GRIN3A: variants seen among roughly 807,000 people sequenced by gnomAD.
The protein encoded by GRIN3A is glutamate ionotropic receptor NMDA type subunit 3A.
A neutral mutation model predicts 92.4 loss-of-function variants in GRIN3A; 47 were observed. The ratio of observed to expected loss-of-function variants is 0.51; its 90% CI spans 0.40 to 0.65. The LOEUF (loss-of-function observed/expected upper bound fraction) is 0.65. Ranked by LOEUF, GRIN3A falls within the 30% of genes least tolerant of loss-of-function variation. The pLI is 0.00. For missense variants in GRIN3A, 1,324 were observed against 1,393.1 expected (o/e 0.95, Z 0.79); for synonymous variants, 527 against 540.6 (o/e 0.97, Z 0.35).
intron 2 of GRIN3A, among the ~76,000 whole-genome samples, chr9:101,674,122 A>G (rs549757707): frequency 1.3e-5 from 2 of 152,136 alleles, no homozygotes; most frequent in South Asian, 4.2e-4. Flanking sequence ...CTGTTTGACG[A>G]TAAGAGATGA....
In GRIN3A at chr9:101,594,330, A is replaced by G. The variant is rs1036114120; in HGVS notation, c.2767-14970T>C. On this transcript the variant is annotated intron_variant, in intron 6 of 8. Coordinates refer to ENST00000361820, the MANE Select transcript of GRIN3A (RefSeq NM_133445.3). ...ATACTTCCAGATAAGTCAGAGAGACAGTTGGACGTCTTGAGCAAATCTTGA... is the reference window on the plus strand; with the variant it reads ...ATACTTCCAGATAAGTCAGAGAGACGGTTGGACGTCTTGAGCAAATCTTGA... The G allele has an allele frequency of 3.4e-6, 5 of 1,489,096 alleles. No homozygotes were observed. The African/African-American group carries it at 5.6e-5, about 17-fold the overall frequency. The allele number at this position is 1,489,096 out of a possible 1,614,324, so 92.2% of individuals were successfully genotyped here. A position where few individuals can be genotyped will look rare whatever the true frequency, so the allele number is the denominator to read the frequency against.
At chr9:101,594,250 T>A in intron 6 of GRIN3A, 1 of 883,956 alleles carries the variant, frequency 1.1e-6, no homozygotes, top group Non-Finnish European at 1.7e-6. Context: ...GGAGAATTAA[T>A]AGCACTGAGT....
intron 5 of GRIN3A, among the ~76,000 whole-genome samples, chr9:101,619,852 C>T (rs559883548): frequency 3.4e-4 from 52 of 152,324 alleles, no homozygotes; most frequent in African/African-American, 1.1e-3. Flanking sequence ...TTTATCTCAA[C>T]ACTTTTTTTT....
chr9:101,650,460 T>C (rs1453923374), intron 3 of GRIN3A, among the ~76,000 whole-genome samples: 1 of 151,962 alleles, frequency 6.6e-6, no homozygotes, highest in African/African-American at 2.4e-5. Context: ...AATGAGTGTG[T>C]TGGAGGATAA....
intron 1 of GRIN3A, among the ~76,000 whole-genome samples, chr9:101,687,674 A>G (rs1829557617): frequency 6.6e-6 from 1 of 152,236 alleles, no homozygotes; most frequent in South Asian, 2.1e-4. Flanking sequence ...GATGATGTGA[A>G]AGATGGATGC....
intron 6 of GRIN3A, among the ~76,000 whole-genome samples, chr9:101,610,831 G>A (rs906119575): frequency 3.3e-5 from 5 of 152,134 alleles, no homozygotes; most frequent in African/African-American, 1.2e-4. Flanking sequence ...AGGCGCGGTG[G>A]CTCATGCCTG....
chr9:101,604,639 G>A (rs909818079), intron 6 of GRIN3A, among the ~76,000 whole-genome samples: 2 of 152,278 alleles, frequency 1.3e-5, no homozygotes, highest in South Asian at 4.1e-4. Context: ...ATTTTAAATG[G>A]AAAAGAGAAG....
chr9:101,667,002 G>A (rs1022211928), intron 3 of GRIN3A, among the ~76,000 whole-genome samples: 1 of 151,940 alleles, frequency 6.6e-6, no homozygotes, highest in Non-Finnish European at 1.5e-5. Context: ...AATGGCCATG[G>A]ATCTATATTG....
intron 5 of GRIN3A, 83 bp downstream of exon 5, chr9:101,623,235 C>G: frequency 1.1e-6 from 1 of 881,482 alleles, no homozygotes; most frequent in East Asian, 2.4e-5. Context: ...CTCTTTGCTT[C>G]TGACTTTGGC....
At chr9:101,590,705 C>T (rs1225603971) in intron 6 of GRIN3A, among the ~76,000 whole-genome samples, 1 of 152,080 alleles carries the variant, frequency 6.6e-6, no homozygotes, top group Non-Finnish European at 1.5e-5. Context: ...AACATCCGAG[C>T]CTCCTCCTGT....
At position 101,613,398 on chromosome 9, in the gene GRIN3A, T is replaced by C. The variant is rs1211332721; in HGVS notation, c.2744A>G (p.Lys915Arg). The C allele has an allele frequency of 3.7e-6, 6 of 1,614,162 alleles. No homozygotes were observed. Among genetic ancestry groups the C allele is most frequent in the Non-Finnish European group, 5.1e-6 (6 of 1,179,998 alleles). ...TACCTCCGTGACAGCAAAACTTCTCTTGCCACAGGGAACCACCCTGTACCA... is the reference window on the plus strand; with the variant it reads ...TACCTCCGTGACAGCAAAACTTCTCCTGCCACAGGGAACCACCCTGTACCA... ...DKWYRVVPCG[K>R]RSFAVTETLQ... Residue 915 changes from lysine (K) to arginine (R), a missense_variant, in exon 6 of 9, where the codon AAG becomes AGG. Physicochemically the swap from Lys to Arg is conservative, Grantham distance 26. Transcript: ENST00000361820.
At chr9:101,576,607 T>C (rs1454910397) in intron 8 of GRIN3A, among the ~76,000 whole-genome samples, 1 of 152,354 alleles carries the variant, frequency 6.6e-6, no homozygotes, top group East Asian at 1.9e-4. Flanking sequence ...CATTTGCTGC[T>C]ATGTCTTCTT....
intron 3 of GRIN3A, among the ~76,000 whole-genome samples, chr9:101,652,901 C>T (rs1401097494): frequency 6.6e-6 from 1 of 151,070 alleles, no homozygotes; most frequent in African/African-American, 2.4e-5. Context: ...AAGACAGCTT[C>T]CATTATAATC....
intron 6 of GRIN3A, among the ~76,000 whole-genome samples, chr9:101,597,460 C>T (rs1302539315): frequency 6.6e-6 from 1 of 152,186 alleles, no homozygotes; most frequent in Non-Finnish European, 1.5e-5. Flanking sequence ...AGAGAGGAAG[C>T]ATTTTGAACT....
chr9:101,645,616 G>A (rs1421738607), intron 3 of GRIN3A, among the ~76,000 whole-genome samples: 1 of 150,706 alleles, frequency 6.6e-6, no homozygotes, highest in Non-Finnish European at 1.5e-5. Context: ...CATAGTGGCT[G>A]TACTAATTTA....
rs2506356 is a variant in GRIN3A at position 101,690,573 on chromosome 9, T to A, written c.700-3373A>T. ...TTCAAAGCATCAAAGAATCATTCAGTGGTGTGGGAGAAGATTGCTTAACCC... is the reference window on the plus strand; with the variant it reads ...TTCAAAGCATCAAAGAATCATTCAGAGGTGTGGGAGAAGATTGCTTAACCC... On this transcript the variant is annotated intron_variant, in intron 1 of 8. Transcript: ENST00000361820. Among the ~76,000 whole-genome samples, 3 of 152,004 alleles carry A rather than the reference T, an allele frequency of 2.0e-5. No individual in the cohort carries two copies. The East Asian group carries it at 5.8e-4, about 29-fold the overall frequency.
intron 3 of GRIN3A, among the ~76,000 whole-genome samples, chr9:101,647,459 C>CT (rs991756962): frequency 4.0e-5 from 6 of 150,930 alleles, no homozygotes; most frequent in Admixed American, 6.6e-5. Context: ...TAATTTTCGC[C>CT]TTTTTTTTGT....
At chr9:101,704,042 C>T (rs1184589922) in intron 1 of GRIN3A, among the ~76,000 whole-genome samples, 1 of 152,122 alleles carries the variant, frequency 6.6e-6, no homozygotes, top group Admixed American at 6.5e-5. Context: ...TTAAAATGAG[C>T]GTAATAATGG....
rs925138603 is a variant in GRIN3A at position 101,572,949 on chromosome 9, G to A, written c.*225C>T. 27 of 562,628 alleles carry A rather than the reference G, an allele frequency of 4.8e-5. No individual in the cohort carries two copies. Among genetic ancestry groups the A allele is most frequent in the Non-Finnish European group, 8.0e-5 (25 of 313,012 alleles). The allele number at this position is 562,628 out of a possible 1,614,324, so 34.9% of individuals were successfully genotyped here. A position where few individuals can be genotyped will look rare whatever the true frequency, so the allele number is the denominator to read the frequency against. The stretch of plus-strand genomic sequence containing the variant: ...GATCTCTCGCACAGAGCTTACTCCT[G>A]ACTAAGATTCTTGCTAGAAAAACAC... On this transcript the variant is annotated 3_prime_UTR_variant, in exon 9 of 9. Coordinates refer to ENST00000361820, the MANE Select transcript of GRIN3A (RefSeq NM_133445.3).
Sources: gnomAD v4.1 joint callset for allele counts (sites outside exome capture counted in the v4.1 genomes callset) on GRCh38, gnomAD v4.1.1 for gene constraint, MANE v1.5 for transcripts, NCBI Gene and HGNC (gene_info 2026-07-23, HGNC 2026-07-21) for gene names.